Variants in HDAC4 observed in about 807,000 individuals in gnomAD.
The protein encoded by HDAC4 is histone deacetylase A.
HDAC4 carries 16 observed loss-of-function variants against 135.1 expected under a neutral mutation model. The ratio of observed to expected loss-of-function variants is 0.12; its 90% CI spans 0.08 to 0.18. HDAC4 has a LOEUF of 0.18. HDAC4 is among the 10% of genes least tolerant of loss of function. The pLI is 1.00. For missense variants in HDAC4, 1,143 were observed against 1,511.8 expected (o/e 0.76, Z 4.05); for synonymous variants, 685 against 653.4 (o/e 1.05, Z -0.74).
At chr2:239,346,868 AACAC>A (rs998822746) in intron 2 of HDAC4, among the ~76,000 whole-genome samples, 14 of 127,366 alleles carry the variant, frequency 1.1e-4, no homozygotes, top group African/African-American at 3.9e-4. Flanking sequence ...CCCTATCTAA[AACAC>A]ACACACCCTA....
At chr2:239,132,224 T>C (rs2040638986) in intron 11 of HDAC4, among the ~76,000 whole-genome samples, 1 of 152,180 alleles carries the variant, frequency 6.6e-6, no homozygotes, top group Non-Finnish European at 1.5e-5. Flanking sequence ...GACCGCTTAG[T>C]ATCCCCACTT....
In HDAC4 at chr2:239,264,504, G is replaced by A. The variant is rs149352968; in HGVS notation, c.23-27840C>T. On this transcript the variant is annotated intron_variant, in intron 2 of 26. Transcript: ENST00000543185. ...TGGAAAAAGAAGTGTGGCTGCCCAC[G>A]GCTCTGACAGGACAGCCAACCACAT... is the stretch of plus-strand genomic sequence containing the variant. 9.2e-5 allele frequency among the ~76,000 whole-genome samples: 14 copies of A among 152,352 alleles called. No individual in the cohort carries two copies. The East Asian group carries it at 1.7e-3, about 19-fold the overall frequency.
At chr2:239,276,112 G>C (rs1017773307) in intron 2 of HDAC4, among the ~76,000 whole-genome samples, 1 of 152,136 alleles carries the variant, frequency 6.6e-6, no homozygotes, top group Admixed American at 6.5e-5. Context: ...ACTGCGCAGG[G>C]ACCTGACTCA....
chr2:239,221,235 C>T (rs954253815), intron 3 of HDAC4, among the ~76,000 whole-genome samples: 1 of 152,118 alleles, frequency 6.6e-6, no homozygotes, highest in Non-Finnish European at 1.5e-5. Context: ...GACATCGGCC[C>T]GTTCTCTGAC....
At chr2:239,398,984 G>A (rs1279999619) in intron 1 of HDAC4, among the ~76,000 whole-genome samples, 1 of 152,210 alleles carries the variant, frequency 6.6e-6, no homozygotes, top group Non-Finnish European at 1.5e-5. Flanking sequence ...TAAAATAAAA[G>A]CCCAGAACAC....
At position 239,095,593 on chromosome 2, in the gene HDAC4, C is replaced by T. The variant is rs567367497; in HGVS notation, c.2234-537G>A. ...CGACAGCCCCTCCCTGCGACACAGGCGGAGCGTGTACAGCTGACTGAGGGC... is the reference window on the plus strand; with the variant it reads ...CGACAGCCCCTCCCTGCGACACAGGTGGAGCGTGTACAGCTGACTGAGGGC... On this transcript the variant is annotated intron_variant, in intron 16 of 26. Coordinates refer to ENST00000543185, the MANE Select transcript of HDAC4 (RefSeq NM_001378414.1). Among the ~76,000 whole-genome samples the T allele has an allele frequency of 2.1e-4, 32 of 152,268 alleles. No homozygotes were observed. The East Asian group carries it at 4.1e-3, about 19-fold the overall frequency.
intron 15 of HDAC4, 122 bp from the exon 16 acceptor site, chr2:239,103,018 C>A: frequency 8.2e-7 from 1 of 1,224,624 alleles, no homozygotes; most frequent in Non-Finnish European, 1.2e-6. Flanking sequence ...CAAAAACAAG[C>A]ATGTTATTTG....
chr2:239,212,756 T>C (rs1368903033), intron 3 of HDAC4, among the ~76,000 whole-genome samples: 1 of 152,116 alleles, frequency 6.6e-6, no homozygotes, highest in Non-Finnish European at 1.5e-5. Flanking sequence ...GGGAGGGTCC[T>C]CTCTGGGCTA....
chr2:239,120,566 G>A (rs1218616831), intron 12 of HDAC4, among the ~76,000 whole-genome samples: 1 of 138,962 alleles, frequency 7.2e-6, no homozygotes, highest in Non-Finnish European at 1.6e-5. Flanking sequence ...ACAATGCCAG[G>A]AAAGGGCAAG....
intron 17 of HDAC4, chr2:239,094,287 A>G (rs2036789192): frequency 1.0e-6 from 1 of 985,256 alleles, no homozygotes; most frequent in African/African-American, 1.7e-5. Context: ...GCCAGGGGAG[A>G]ACTCTTTTGT....
chr2:239,320,226 T>C (rs1452135370), intron 2 of HDAC4, among the ~76,000 whole-genome samples: 3 of 151,638 alleles, frequency 2.0e-5, no homozygotes, highest in African/African-American at 7.3e-5. Flanking sequence ...CTACTTAAAA[T>C]ACAAAAGTTA....
At chr2:239,205,277 C>T (rs1044378204) in intron 3 of HDAC4, among the ~76,000 whole-genome samples, 1 of 152,170 alleles carries the variant, frequency 6.6e-6, no homozygotes, top group Non-Finnish European at 1.5e-5. Context: ...CACAACGATG[C>T]ATGAAAAAGC....
At chr2:239,224,656 A>T (rs556889551) in intron 3 of HDAC4, among the ~76,000 whole-genome samples, 6 of 152,308 alleles carry the variant, frequency 3.9e-5, no homozygotes, top group African/African-American at 1.4e-4. Context: ...CCAGGGTAAC[A>T]TGAGTACCAT....
At chr2:239,079,845 C>T (rs200739241) in intron 22 of HDAC4, among the ~76,000 whole-genome samples, 1 of 73,900 alleles carries the variant, frequency 1.4e-5, no homozygotes, top group East Asian at 5.1e-4. Context: ...GCGATATACA[C>T]ACAAAGACAT....
chr2:239,370,125 T>C (rs1344455137), intron 1 of HDAC4, among the ~76,000 whole-genome samples: 2 of 152,174 alleles, frequency 1.3e-5, no homozygotes, highest in Non-Finnish European at 1.5e-5. Flanking sequence ...GGCAGGTCAG[T>C]GAGGGTAGCA....
chr2:239,114,431 C>G (rs559639535), intron 13 of HDAC4, among the ~76,000 whole-genome samples: 3 of 152,324 alleles, frequency 2.0e-5, no homozygotes, highest in Non-Finnish European at 4.4e-5. Context: ...ATACGGGGCT[C>G]CAGCTGGCTG....
At chr2:239,073,733 A>C (rs1177429816) in intron 22 of HDAC4, among the ~76,000 whole-genome samples, 1 of 152,270 alleles carries the variant, frequency 6.6e-6, no homozygotes, top group African/African-American at 2.4e-5. Context: ...CACTGGCCTC[A>C]GAGCGTGCGT....
At chr2:239,217,897 A>C (rs1052965656) in intron 3 of HDAC4, among the ~76,000 whole-genome samples, 2 of 152,136 alleles carry the variant, frequency 1.3e-5, no homozygotes, top group African/African-American at 2.4e-5. Context: ...TTTGAGACCA[A>C]CCTGGCCAAC....
At chr2:239,147,312 C>T (rs1338645009) in intron 7 of HDAC4, among the ~76,000 whole-genome samples, 1 of 152,236 alleles carries the variant, frequency 6.6e-6, no homozygotes, top group African/African-American at 2.4e-5. Flanking sequence ...TGCTTCCTGC[C>T]CTCCCTCATT....
Sources: gnomAD v4.1 joint callset for allele counts (sites outside exome capture counted in the v4.1 genomes callset) on GRCh38, gnomAD v4.1.1 for gene constraint, MANE v1.5 for transcripts, NCBI Gene and HGNC (gene_info 2026-07-23, HGNC 2026-07-21) for gene names.